Variants in PTBP3 observed in about 807,000 individuals in gnomAD.
PTBP3 encodes polypyrimidine tract binding protein 3, also known as polypyrimidine tract-binding protein 3.
A neutral mutation model predicts 58.7 loss-of-function variants in PTBP3; 20 were observed. That is an observed-to-expected ratio of 0.34 (90% CI 0.24 to 0.50). The LOEUF (loss-of-function observed/expected upper bound fraction) is 0.50. PTBP3 is among the 20% of genes least tolerant of loss of function. The probability of loss-of-function intolerance (pLI) is 0.98; values close to 1 mark genes in which losing one functional copy is unlikely to be tolerated. For synonymous variants in PTBP3, 185 were observed against 219.8 expected, an observed-to-expected ratio of 0.84 and a Z score of 1.40; for missense variants, 509 against 637.2, an observed-to-expected ratio of 0.80 and a Z score of 2.17.
intron 1 of PTBP3, among the ~76,000 whole-genome samples, chr9:112,315,510 G>A (rs1025176672): frequency 6.6e-6 from 1 of 152,066 alleles, no homozygotes; most frequent in Non-Finnish European, 1.5e-5. Context: ...TGAGGAGGAG[G>A]ATCACTTGAG....
Position 112,251,169 on chromosome 9 carries a change from C to T in PTBP3, c.628-66G>A, listed in dbSNP as rs1589823674. 3.1e-6 allele frequency: 4 copies of T among 1,298,326 alleles called. No homozygotes were observed. In the East Asian group the frequency reaches 1.1e-4, roughly 35 times the overall value. 80.4% of individuals were successfully genotyped at this position (1,298,326 alleles called of 1,614,324 possible). ...AACACTGATAACCAAGAAGCCTCTA[C>T]TTTGACAAAGAGTGGCAATCAGGTG... On this transcript the variant is annotated intron_variant, in intron 6 of 13. Coordinates refer to ENST00000374257, the MANE Select transcript of PTBP3 (RefSeq NM_001163788.4).
chr9:112,229,199 C>T (rs572893539), intron 10 of PTBP3, among the ~76,000 whole-genome samples: 153 of 152,224 alleles, frequency 1.0e-3, no homozygotes, highest in African/African-American at 3.5e-3. Flanking sequence ...CAGTCTCACT[C>T]GATTTTTTCA....
upstream of PTBP3, among the ~76,000 whole-genome samples, chr9:112,338,305 G>C (rs1160247449): frequency 6.6e-6 from 1 of 152,196 alleles, no homozygotes; most frequent in Non-Finnish European, 1.5e-5. Context: ...TAGAACTTTA[G>C]ATAAACACAT....
intron 1 of PTBP3, among the ~76,000 whole-genome samples, chr9:112,326,362 C>T (rs1025764093): frequency 2.0e-5 from 3 of 152,208 alleles, no homozygotes; most frequent in Non-Finnish European, 2.9e-5. Context: ...ACTACAACTA[C>T]GACTGCCTTT....
chr9:112,263,971 G>C (rs1399700900), intron 4 of PTBP3, among the ~76,000 whole-genome samples: 1 of 151,670 alleles, frequency 6.6e-6, no homozygotes. Context: ...CACAGAGCAA[G>C]GTGCTGTCTC....
the PTBP3 span, among the ~76,000 whole-genome samples, chr9:112,352,171 C>A: frequency 6.6e-6 from 1 of 152,184 alleles, no homozygotes; most frequent in South Asian, 2.1e-4. Context: ...ATACTCCCAC[C>A]TGGACTTCCC....
chr9:112,311,528 A>T (rs1235694770), intron 1 of PTBP3, among the ~76,000 whole-genome samples: 1 of 152,108 alleles, frequency 6.6e-6, no homozygotes, highest in Non-Finnish European at 1.5e-5. Context: ...AGGATGCAAA[A>T]CCCAGTTATA....
At chr9:112,282,719 A>G (rs1435381492) in intron 2 of PTBP3, among the ~76,000 whole-genome samples, 6 of 152,070 alleles carry the variant, frequency 3.9e-5, no homozygotes, top group African/African-American at 1.4e-4. Context: ...TAGAATTCTA[A>G]TGAAGTCAGA....
intron 7 of PTBP3, among the ~76,000 whole-genome samples, chr9:112,246,495 C>T (rs1835881929): frequency 6.6e-6 from 1 of 151,570 alleles, no homozygotes; most frequent in South Asian, 2.1e-4. Context: ...GAGATTGAGA[C>T]CATCCTGGCT....
At chr9:112,251,371 TA>T (rs758020466) in intron 6 of PTBP3, among the ~76,000 whole-genome samples, 7 of 152,164 alleles carry the variant, frequency 4.6e-5, no homozygotes, top group Non-Finnish European at 7.4e-5. Flanking sequence ...AGGAGAAATG[TA>T]AAAGATTGGA....
the PTBP3 span, among the ~76,000 whole-genome samples, chr9:112,375,217 T>C: frequency 6.6e-6 from 1 of 152,206 alleles, no homozygotes; most frequent in Non-Finnish European, 1.5e-5. Context: ...GAGAGGTCCA[T>C]CTACATACCT....
At chr9:112,300,625 G>A (rs916279107) in intron 1 of PTBP3, among the ~76,000 whole-genome samples, 3 of 152,152 alleles carry the variant, frequency 2.0e-5, no homozygotes, top group African/African-American at 7.2e-5. Context: ...GGTGGCGGGC[G>A]CCTGTAGTCC....
the PTBP3 span, among the ~76,000 whole-genome samples, chr9:112,343,363 C>T: frequency 7.2e-5 from 11 of 152,146 alleles, no homozygotes; most frequent in African/African-American, 2.6e-4. Context: ...TGCCTGCCAC[C>T]ACACCCGGCT....
intron 5 of PTBP3, among the ~76,000 whole-genome samples, chr9:112,254,420 CA>C (rs1836264545): frequency 6.6e-6 from 1 of 152,092 alleles, no homozygotes; most frequent in South Asian, 2.1e-4. Context: ...TGGACTACCT[CA>C]AAATTAAAAA....
chr9:112,259,624 A>G (rs1470816008), intron 5 of PTBP3, among the ~76,000 whole-genome samples: 1 of 152,218 alleles, frequency 6.6e-6, no homozygotes, highest in Non-Finnish European at 1.5e-5. Context: ...TTCATCTAAA[A>G]TAGCATCAAT....
At chr9:112,318,468 A>T (rs1587884023) in intron 1 of PTBP3, among the ~76,000 whole-genome samples, 1 of 152,352 alleles carries the variant, frequency 6.6e-6, no homozygotes, top group African/African-American at 2.4e-5. Context: ...ACGACATAAA[A>T]GAATTTGAAA....
At chr9:112,311,197 T>TG (rs1389663171) in intron 1 of PTBP3, among the ~76,000 whole-genome samples, 69 of 134,860 alleles carry the variant, frequency 5.1e-4, no homozygotes, top group South Asian at 8.9e-4. Flanking sequence ...GGAAAATGTG[T>TG]TTTTTTTTTT....
intron 1 of PTBP3, among the ~76,000 whole-genome samples, chr9:112,308,381 A>C (rs1311129965): frequency 3.0e-5 from 4 of 132,018 alleles, no homozygotes; most frequent in African/African-American, 5.7e-5. Flanking sequence ...AAAAAAAAAA[A>C]CTTTTCTTTC....
chr9:112,283,126 C>T lies in PTBP3; in HGVS notation c.35-7113G>A, dbSNP rs117157200. ...TAAACCTCTTTTCTTTATAAATTAT[C>T]CAGTCTCAGCAGCTCTTTATAGCAG... On this transcript the variant is annotated intron_variant, in intron 2 of 13. Transcript: ENST00000374257. Among the ~76,000 whole-genome samples, 1,085 of 152,282 alleles carry T rather than the reference C, an allele frequency of 7.1e-3. 9 individuals carry two copies. The highest frequency in any genetic ancestry group is 0.013 in the Non-Finnish European group (867 of 68,034).
Sources: gnomAD v4.1 joint callset for allele counts (sites outside exome capture counted in the v4.1 genomes callset) on GRCh38, gnomAD v4.1.1 for gene constraint, MANE v1.5 for transcripts, NCBI Gene and HGNC (gene_info 2026-07-23, HGNC 2026-07-21) for gene names.